FHIT: variants seen among roughly 807,000 people sequenced by gnomAD.
FHIT encodes bis(5'-adenosyl)-triphosphatase.
In FHIT, 19 loss-of-function variants were observed where a neutral mutation model predicts 17.9. The ratio of observed to expected loss-of-function variants is 1.06; its 90% CI spans 0.74 to 1.56. The LOEUF (loss-of-function observed/expected upper bound fraction) is 1.56, where lower values mean the gene tolerates loss of function less well. FHIT is among the 40% of genes most tolerant of loss of function. The probability of loss-of-function intolerance (pLI) is 0.00; values close to 1 mark genes in which losing one functional copy is unlikely to be tolerated. For missense variants in FHIT, 248 were observed against 189.2 expected (o/e 1.31, Z -1.82); for synonymous variants, 81 against 69.7 (o/e 1.16, Z -0.81).
chr3:60,856,173 G>A (rs1347663880), intron 3 of FHIT, among the ~76,000 whole-genome samples: 3 of 152,048 alleles, frequency 2.0e-5, no homozygotes, highest in Admixed American at 1.3e-4. Context: ...TAATGCATTC[G>A]AGGCAGATAA....
At chr3:60,981,246 A>G (rs1179914440) in intron 3 of FHIT, among the ~76,000 whole-genome samples, 3 of 151,720 alleles carry the variant, frequency 2.0e-5, no homozygotes, top group Non-Finnish European at 2.9e-5. Context: ...TAAGGTCCCA[A>G]GGCAACATCT....
chr3:60,220,893 G>A (rs546603716), intron 5 of FHIT, among the ~76,000 whole-genome samples: 58 of 152,250 alleles, frequency 3.8e-4, no homozygotes, highest in Middle Eastern at 6.8e-3. Context: ...AAGCCTTTCT[G>A]CATACAGAGA....
chr3:61,083,309 G>A (rs1054347083), intron 2 of FHIT, among the ~76,000 whole-genome samples: 2 of 152,144 alleles, frequency 1.3e-5, no homozygotes, highest in Non-Finnish European at 2.9e-5. Context: ...AAGAAACGTT[G>A]GCCCGGCGCG....
At chr3:61,193,175 T>C (rs1393725660) in intron 2 of FHIT, among the ~76,000 whole-genome samples, 2 of 152,184 alleles carry the variant, frequency 1.3e-5, no homozygotes, top group East Asian at 3.8e-4. Flanking sequence ...GGTTGTTTTG[T>C]TTTGCTTAAA....
chr3:60,495,676 G>A (rs1318115953), intron 5 of FHIT, among the ~76,000 whole-genome samples: 1 of 152,030 alleles, frequency 6.6e-6, no homozygotes, highest in East Asian at 1.9e-4. Context: ...TGTATTCAAT[G>A]CCATTCCTTT....
rs78049698 is a variant in FHIT, at chr3:59,770,895, G to T, written c.349-18574C>A. Among the ~76,000 whole-genome samples the T allele has an allele frequency of 5.5e-4, 84 of 152,302 alleles. No homozygotes were observed. In the East Asian group the frequency reaches 0.012, roughly 22 times the overall value. ...GTGCCACTCTGCTTCTGCCCAGGAG[G>T]CTGAAAGAATCAATACAACAAATCC... On this transcript the variant is annotated intron_variant, in intron 8 of 9. Coordinates refer to ENST00000492590, the MANE Select transcript of FHIT (RefSeq NM_002012.4).
chr3:59,821,656 A>T (rs1313535918), intron 8 of FHIT, among the ~76,000 whole-genome samples: 1 of 152,048 alleles, frequency 6.6e-6, no homozygotes, highest in African/African-American at 2.4e-5. Context: ...CAGCCATTCA[A>T]CCAGTCCTGC....
At chr3:60,127,009 G>A (rs1284593972) in intron 5 of FHIT, among the ~76,000 whole-genome samples, 3 of 152,118 alleles carry the variant, frequency 2.0e-5, no homozygotes, top group Admixed American at 6.5e-5. Flanking sequence ...GGCAAGCAAG[G>A]GAGAGAGCCC....
intron 2 of FHIT, among the ~76,000 whole-genome samples, chr3:61,076,199 T>C (rs1442095575): frequency 1.3e-5 from 2 of 152,180 alleles, no homozygotes; most frequent in Non-Finnish European, 2.9e-5. Context: ...GATGGAGGCA[T>C]GCCAAAAACA....
chr3:59,915,041 G>C (rs1309721224), intron 8 of FHIT, among the ~76,000 whole-genome samples: 1 of 152,152 alleles, frequency 6.6e-6, no homozygotes, highest in Non-Finnish European at 1.5e-5. Flanking sequence ...AAGCACTGTA[G>C]TTAAACTTAG....
rs59706485 is a variant in FHIT, at chr3:60,088,176, G to A, written c.104-74024C>T. Reference sequence around the variant, plus strand: ...CAATTAGTTCCCTTGGGAATTAACAGATGGAGAACTCATCCCCCAAAGGCA... The same window carrying A: ...CAATTAGTTCCCTTGGGAATTAACAAATGGAGAACTCATCCCCCAAAGGCA... On this transcript the variant is annotated intron_variant, in intron 5 of 9. Coordinates refer to ENST00000492590, the MANE Select transcript of FHIT (RefSeq NM_002012.4). 9.3e-3 allele frequency among the ~76,000 whole-genome samples: 1,419 copies of A among 152,222 alleles called. 24 individuals are homozygous for A. Among genetic ancestry groups the A allele is most frequent in the African/African-American group, 0.032 (1,344 of 41,534 alleles).
At chr3:60,902,212 T>A (rs533447319) in intron 3 of FHIT, among the ~76,000 whole-genome samples, 4 of 152,318 alleles carry the variant, frequency 2.6e-5, no homozygotes, top group African/African-American at 9.6e-5. Context: ...CTGATTTGTT[T>A]TCCCTATAAT....
At chr3:59,988,195 C>T (rs2107463802) in intron 7 of FHIT, among the ~76,000 whole-genome samples, 1 of 152,198 alleles carries the variant, frequency 6.6e-6, no homozygotes, top group South Asian at 2.1e-4. Flanking sequence ...CTGCAGGTCA[C>T]CTTCAGTGCT....
At chr3:59,877,669 A>C (rs1025279941) in intron 8 of FHIT, among the ~76,000 whole-genome samples, 1 of 152,208 alleles carries the variant, frequency 6.6e-6, no homozygotes, top group African/African-American at 2.4e-5. Flanking sequence ...AAAAAGATGA[A>C]GATTTTAGAG....
Position 60,472,091 on chromosome 3 carries a change from C to A in FHIT, c.103+64769G>T, listed in dbSNP as rs915991896. Reference sequence around the variant, plus strand: ...GTGATGGGTACACTTAAAGCCCAGACATCACCACTACACAATATATCCACG... The same window carrying A: ...GTGATGGGTACACTTAAAGCCCAGAAATCACCACTACACAATATATCCACG... On this transcript the variant is annotated intron_variant, in intron 5 of 9. Coordinates refer to ENST00000492590, the MANE Select transcript of FHIT (RefSeq NM_002012.4). Among the ~76,000 whole-genome samples, 6 of 149,054 alleles carry A rather than the reference C, an allele frequency of 4.0e-5. No individual in the cohort carries two copies. In the Admixed American group the frequency reaches 4.1e-4, roughly 10 times the overall value.
chr3:60,285,915 C>T lies in FHIT; in HGVS notation c.103+250945G>A, dbSNP rs975908255. On this transcript the variant is annotated intron_variant, in intron 5 of 9. Transcript: ENST00000492590. ...TAGATACATTTCAATTATTTTCTTC[C>T]ATCAACTAGAACTCTTATAACTCAC... 4.6e-5 allele frequency among the ~76,000 whole-genome samples: 7 copies of T among 152,164 alleles called. 1 individual carries two copies. In the East Asian group the frequency reaches 1.4e-3, roughly 29 times the overall value.
intron 3 of FHIT, among the ~76,000 whole-genome samples, chr3:60,987,277 T>A (rs1289543767): frequency 2.0e-5 from 3 of 152,214 alleles, no homozygotes; most frequent in Non-Finnish European, 4.4e-5. Context: ...ACAAAATCTC[T>A]GCAGCACTGT....
chr3:60,893,985 G>A (rs1575654592), intron 3 of FHIT, among the ~76,000 whole-genome samples: 1 of 152,168 alleles, frequency 6.6e-6, no homozygotes, highest in East Asian at 1.9e-4. Context: ...GTTCACTGTT[G>A]TCAGAATGCC....
intron 3 of FHIT, among the ~76,000 whole-genome samples, chr3:60,858,697 A>G (rs1033182563): frequency 2.6e-5 from 4 of 152,208 alleles, no homozygotes; most frequent in Admixed American, 2.6e-4. Context: ...TCGGAGACAG[A>G]TGAGAATGAA....
Sources: gnomAD v4.1 joint callset for allele counts (sites outside exome capture counted in the v4.1 genomes callset) on GRCh38, gnomAD v4.1.1 for gene constraint, MANE v1.5 for transcripts, NCBI Gene and HGNC (gene_info 2026-07-23, HGNC 2026-07-21) for gene names.